Variants in ZMYND11 observed in about 807,000 individuals in gnomAD.
ZMYND11 encodes zinc finger MYND domain-containing protein 11.
ZMYND11 carries 9 observed loss-of-function variants against 84.9 expected under a neutral mutation model. The ratio of observed to expected loss-of-function variants is 0.11; its 90% CI spans 0.06 to 0.18. The LOEUF is 0.18. Ranked by LOEUF, ZMYND11 falls within the 10% of genes least tolerant of loss-of-function variation. The pLI is 1.00. For synonymous variants in ZMYND11, 250 were observed against 244.1 expected, an observed-to-expected ratio of 1.02 and a Z score of -0.23; for missense variants, 409 against 761.0, an observed-to-expected ratio of 0.54 and a Z score of 5.44.
chr10:155,826 C>T (rs1277638447), intron 1 of ZMYND11, among the ~76,000 whole-genome samples: 3 of 152,172 alleles, frequency 2.0e-5, no homozygotes, highest in East Asian at 1.9e-4. Flanking sequence ...AAGAGGTCCT[C>T]GTTGGGAGAC....
intron 1 of ZMYND11, among the ~76,000 whole-genome samples, chr10:142,979 A>G (rs1277862180): frequency 6.6e-6 from 1 of 152,258 alleles, no homozygotes; most frequent in Non-Finnish European, 1.5e-5. Context: ...CTTCATTTTA[A>G]TACTCACATA....
intron 1 of ZMYND11, among the ~76,000 whole-genome samples, chr10:179,316 T>C (rs1847339110): frequency 6.6e-6 from 1 of 152,116 alleles, no homozygotes; most frequent in Admixed American, 6.5e-5. Flanking sequence ...GGTGGCAGTT[T>C]TCTTCAATTC....
At chr10:195,674 G>C (rs1941565133) in intron 2 of ZMYND11, among the ~76,000 whole-genome samples, 1 of 152,186 alleles carries the variant, frequency 6.6e-6, no homozygotes, top group African/African-American at 2.4e-5. Flanking sequence ...ATAGCGTGAA[G>C]ACACAGAAGG....
At chr10:239,361 C>A in intron 6 of ZMYND11, 77 bp from the exon 7 acceptor site, 2 of 1,176,240 alleles carry the variant, frequency 1.7e-6, no homozygotes, top group Non-Finnish European at 2.5e-6. Context: ...GAAAAGACTG[C>A]TTGTCCTGTG....
chr10:221,497 C>A, intron 4 of ZMYND11, 141 bp downstream of exon 4: 2 of 785,838 alleles, frequency 2.5e-6, no homozygotes, highest in Non-Finnish European at 4.0e-6. Context: ...AATGATGATA[C>A]TCATAAATGG....
At chr10:176,316 T>C (rs917704441) in intron 1 of ZMYND11, among the ~76,000 whole-genome samples, 3 of 152,128 alleles carry the variant, frequency 2.0e-5, no homozygotes, top group African/African-American at 4.8e-5. Context: ...AATCATGGTC[T>C]ACTTTTACCA....
chr10:239,938 G>T (rs1950593857), intron 7 of ZMYND11, 118 bp from the exon 8 acceptor site: 2 of 750,370 alleles, frequency 2.7e-6, no homozygotes. Flanking sequence ...ATTTTAAATG[G>T]ACATTTTGGT....
chr10:131,242 A>G (rs1266465052), upstream of ZMYND11, among the ~76,000 whole-genome samples: 1 of 152,242 alleles, frequency 6.6e-6, no homozygotes, highest in Admixed American at 6.5e-5. Flanking sequence ...TTGAAAAGAC[A>G]GGATCCTACT....
chr10:189,467 C>A (rs1939722597), intron 2 of ZMYND11, among the ~76,000 whole-genome samples: 1 of 152,104 alleles, frequency 6.6e-6, no homozygotes, highest in Non-Finnish European at 1.5e-5. Flanking sequence ...TTTATGTAAT[C>A]CCAAGGATTC....
intron 14 of ZMYND11, among the ~76,000 whole-genome samples, chr10:250,486 C>T (rs1332418901): frequency 3.9e-5 from 6 of 152,044 alleles, no homozygotes; most frequent in Non-Finnish European, 7.4e-5. Context: ...TGGAGCAAGA[C>T]CCTGTCTCTT....
At chr10:144,640 CT>C (rs11348115) in intron 1 of ZMYND11, among the ~76,000 whole-genome samples, 53,415 of 109,712 alleles carry the variant, frequency 0.49, 12,638 homozygotes, top group Non-Finnish European at 0.54. Context: ...GTCTGAATTC[CT>C]TTTTTTTTTT....
upstream of ZMYND11, among the ~76,000 whole-genome samples, chr10:133,544 T>C (rs1835382683): frequency 6.6e-6 from 1 of 152,240 alleles, no homozygotes; most frequent in African/African-American, 2.4e-5. Context: ...TGTGGAGTTA[T>C]GCTGCCACTT....
intron 4 of ZMYND11, among the ~76,000 whole-genome samples, chr10:225,362 G>GTGTT (rs10645167): frequency 0.93 from 140,725 of 151,964 alleles, 65,462 homozygotes; most frequent in Non-Finnish European, 0.97. Context: ...TTTTTTATGT[G>GTGTT]TGTTTTTAGG....
chr10:251,136 C>T (rs972400712), intron 14 of ZMYND11, among the ~76,000 whole-genome samples: 3 of 152,014 alleles, frequency 2.0e-5, no homozygotes, highest in South Asian at 2.1e-4. Context: ...ATGGATGTCA[C>T]GAGAAACACA....
At chr10:240,716 G>A (rs950063219) in intron 8 of ZMYND11, among the ~76,000 whole-genome samples, 177 bp from the exon 9 acceptor site, 3 of 152,220 alleles carry the variant, frequency 2.0e-5, no homozygotes, top group African/African-American at 4.8e-5. Flanking sequence ...TAAGAGGACA[G>A]TGACAGGGTC....
intron 12 of ZMYND11, among the ~76,000 whole-genome samples, chr10:247,757 G>A (rs898858047): frequency 3.3e-5 from 5 of 152,158 alleles, no homozygotes; most frequent in Admixed American, 6.5e-5. Flanking sequence ...TACATTTCCT[G>A]GGAGCTCTGA....
chr10:173,237 T>C (rs1260995264), intron 1 of ZMYND11, among the ~76,000 whole-genome samples: 1 of 152,180 alleles, frequency 6.6e-6, no homozygotes, highest in Non-Finnish European at 1.5e-5. Flanking sequence ...AAGGAGAGAA[T>C]TGATAAGCTG....
intron 2 of ZMYND11, among the ~76,000 whole-genome samples, chr10:194,682 G>A (rs1941309484): frequency 6.6e-6 from 1 of 152,260 alleles, no homozygotes; most frequent in Admixed American, 6.5e-5. Flanking sequence ...ATATTTTAAT[G>A]TGCTTACTGA....
chr10:160,176 A>G (rs1319456459), intron 1 of ZMYND11, among the ~76,000 whole-genome samples: 1 of 152,260 alleles, frequency 6.6e-6, no homozygotes, highest in Non-Finnish European at 1.5e-5. Context: ...GACCACCACA[A>G]CAAAGTGAAT....
Sources: allele counts gnomAD v4.1 joint callset (sites outside exome capture counted in the v4.1 genomes callset), GRCh38; gene constraint gnomAD v4.1.1; transcripts MANE v1.5; gene names NCBI Gene and HGNC (gene_info 2026-07-23, HGNC 2026-07-21).